Variants in TMEM207 observed in about 807,000 individuals in gnomAD.
TMEM207 encodes the protein SRSR846.
Under a neutral mutation model 17.4 loss-of-function variants are expected in TMEM207, and 15 were observed. That is an observed-to-expected ratio of 0.86 (90% confidence interval 0.58 to 1.33). The LOEUF (loss-of-function observed/expected upper bound fraction) is 1.33, where lower values mean the gene tolerates loss of function less well. Ranked by LOEUF, TMEM207 falls within the 40% of genes most tolerant of loss-of-function variation. The pLI is 0.00. For synonymous variants in TMEM207, 70 were observed against 65.6 expected (o/e 1.07, Z -0.33); for missense variants, 205 against 173.8 (o/e 1.18, Z -1.01).
chr3:190,442,919 A>G (rs1719964631), intron 2 of TMEM207, among the ~76,000 whole-genome samples: 1 of 152,214 alleles, frequency 6.6e-6, no homozygotes, highest in Admixed American at 6.5e-5. Flanking sequence ...TTACTACCAG[A>G]CATAAATTTA....
intron 4 of TMEM207, among the ~76,000 whole-genome samples, chr3:190,432,980 A>T (rs1719722744): frequency 6.6e-6 from 1 of 152,186 alleles, no homozygotes; most frequent in South Asian, 2.1e-4. Context: ...GAACCTCATT[A>T]GGAAGCCTTG....
intron 2 of TMEM207, among the ~76,000 whole-genome samples, chr3:190,447,569 G>A (rs542660328): frequency 6.6e-6 from 1 of 151,796 alleles, no homozygotes. Context: ...AATCAACTAG[G>A]CCTCTTATTT....
rs887623986 is a variant in TMEM207, at chr3:190,440,935, G to A, written c.158+503C>T. 1.1e-4 allele frequency among the ~76,000 whole-genome samples: 16 copies of A among 152,302 alleles called. 1 individual carries two copies. Among genetic ancestry groups the A allele is most frequent in the Admixed American group, 9.1e-4 (14 of 15,302 alleles). ...ATACAAAAAATTAGCTGGGCGTGATGGCGGGCGCCTGTAATCCCAGCTACT... is the reference window on the plus strand; with the variant it reads ...ATACAAAAAATTAGCTGGGCGTGATAGCGGGCGCCTGTAATCCCAGCTACT... On this transcript the variant is annotated intron_variant, in intron 3 of 4. Transcript: ENST00000354905.
At chr3:190,447,499 G>A (rs1720075397) in intron 2 of TMEM207, among the ~76,000 whole-genome samples, 1 of 152,038 alleles carries the variant, frequency 6.6e-6, no homozygotes, top group Admixed American at 6.6e-5. Flanking sequence ...ATTCTTTTAT[G>A]AACTTAAAGT....
chr3:190,438,047 A>G (rs1477041704), intron 4 of TMEM207, among the ~76,000 whole-genome samples: 1 of 138,232 alleles, frequency 7.2e-6, no homozygotes, highest in Non-Finnish European at 1.5e-5. Context: ...GAATTGAACA[A>G]TGAGAACACA....
intron 1 of TMEM207, 42 bp from the exon 2 acceptor site, chr3:190,447,869 C>T: frequency 6.3e-7 from 1 of 1,575,334 alleles, no homozygotes; most frequent in Non-Finnish European, 8.6e-7. Context: ...AACATCTCAT[C>T]AGTCTAATCC....
At chr3:190,449,609 G>C in intron 1 of TMEM207, 126 bp downstream of exon 1, 1 of 823,574 alleles carries the variant, frequency 1.2e-6, no homozygotes, top group Non-Finnish European at 2.0e-6. Context: ...TGCTAGTAAA[G>C]CTTGAAGGAA....
chr3:190,439,797 C>T (rs1719889148), intron 4 of TMEM207, among the ~76,000 whole-genome samples: 1 of 152,238 alleles, frequency 6.6e-6, no homozygotes. Context: ...CTGCATTGAC[C>T]GCAGACATCT....
chr3:190,449,849 T>C lies in TMEM207; in HGVS notation c.-40A>G. ...CAACTTAGGATAGTGGTTTGGTGCC[T>C]GTGTTTATTTCCTTCTTTCTCAGAA... On this transcript the variant is annotated 5_prime_UTR_variant, in exon 1 of 5. Coordinates refer to ENST00000354905, the MANE Select transcript of TMEM207 (RefSeq NM_207316.3). 1.3e-6 allele frequency: 2 copies of C among 1,570,862 alleles called. No homozygotes were observed. Among genetic ancestry groups the C allele is most frequent in the Non-Finnish European group, 1.8e-6 (2 of 1,141,202 alleles).
chr3:190,436,099 G>A (rs1246568062), intron 4 of TMEM207, among the ~76,000 whole-genome samples: 1 of 152,184 alleles, frequency 6.6e-6, no homozygotes, highest in African/African-American at 2.4e-5. Context: ...GAGATCCTGA[G>A]AGTCCAACCT....
At chr3:190,444,052 A>T (rs1719993664) in intron 2 of TMEM207, among the ~76,000 whole-genome samples, 1 of 152,186 alleles carries the variant, frequency 6.6e-6, no homozygotes, top group Non-Finnish European at 1.5e-5. Flanking sequence ...CTCTGTGCTG[A>T]GAATCTGTGG....
chr3:190,441,520 G>A, intron 2 of TMEM207, 38 bp from the exon 3 acceptor site: 1 of 1,547,476 alleles, frequency 6.5e-7, no homozygotes, highest in Non-Finnish European at 8.9e-7. Context: ...TGGAACTCAG[G>A]ATAGCCAAAG....
At position 190,429,634 on chromosome 3, in the gene TMEM207, G is replaced by A. The variant is rs139598648; in HGVS notation, c.402C>T (p.Gly134=). The A allele has an allele frequency of 2.5e-4, 408 of 1,613,560 alleles. 5 individuals carry two copies. The South Asian group carries it at 3.0e-3, about 12-fold the overall frequency. The change falls in exon 5 of 5, where the codon GGC becomes GGT. Residue 134 remains glycine (G), a synonymous_variant. Transcript: ENST00000354905. The part of the protein sequence containing the change: ...PVPAPCFGPL[G]SPPPYEEIVK... ...CAATTTCTTCATATGGAGGTGGGGA[G>A]CCTAAAGGGCCAAAACATGGAGCAG... is the stretch of plus-strand genomic sequence containing the variant.
intron 2 of TMEM207, among the ~76,000 whole-genome samples, chr3:190,444,840 G>A (rs1419273915): frequency 6.6e-6 from 1 of 152,092 alleles, no homozygotes; most frequent in Admixed American, 6.5e-5. Context: ...AATAAATTCA[G>A]TAACAAATTG....
chr3:190,443,021 G>A (rs560907689), intron 2 of TMEM207, among the ~76,000 whole-genome samples: 24 of 152,008 alleles, frequency 1.6e-4, no homozygotes, highest in East Asian at 1.2e-3. Context: ...TAATGTACAC[G>A]AATCACTTTG....
At chr3:190,446,830 G>C (rs536237827) in intron 2 of TMEM207, among the ~76,000 whole-genome samples, 2 of 152,258 alleles carry the variant, frequency 1.3e-5, no homozygotes, top group East Asian at 3.9e-4. Context: ...AGAAGATGAG[G>C]AGATAAGATA....
Position 190,429,801 on chromosome 3 carries a change from AT to A in TMEM207, c.305-71del, listed in dbSNP as rs1719651369. On this transcript the variant is annotated intron_variant, in intron 4 of 4. Coordinates refer to ENST00000354905, the MANE Select transcript of TMEM207 (RefSeq NM_207316.3). ...AAAACATAAGTACATGAACTGCCCG[AT>A]AAAATCTGGCATTGCTTGGATCGCT... The A allele has an allele frequency of 2.8e-6, 4 of 1,447,470 alleles. No homozygotes were observed. The South Asian group carries it at 6.4e-5, about 23-fold the overall frequency. The allele number at this position is 1,447,470 out of a possible 1,614,324, so 89.7% of individuals were successfully genotyped here.
At chr3:190,449,585 A>C (rs1036376776) in intron 1 of TMEM207, 150 bp downstream of exon 1, 37 of 699,072 alleles carry the variant, frequency 5.3e-5, no homozygotes, top group Non-Finnish European at 7.0e-5. Context: ...CAGTGAATAC[A>C]AGAAATCATA....
chr3:190,431,044 T>G (rs982446104), intron 4 of TMEM207, among the ~76,000 whole-genome samples: 1 of 152,156 alleles, frequency 6.6e-6, no homozygotes, highest in Admixed American at 6.6e-5. Context: ...TACAGTTGTG[T>G]TTGTCTTATT....
Sources: allele counts gnomAD v4.1 joint callset (sites outside exome capture counted in the v4.1 genomes callset), GRCh38; gene constraint gnomAD v4.1.1; transcripts MANE v1.5; gene names NCBI Gene and HGNC (gene_info 2026-07-23, HGNC 2026-07-21).